Variants in LRRTM4 observed in about 807,000 individuals in gnomAD.
LRRTM4 encodes leucine-rich repeat transmembrane neuronal protein 4.
A neutral mutation model predicts 47.6 loss-of-function variants in LRRTM4; 25 were observed. The observed-to-expected ratio is 0.53, with a 90% CI of 0.38 to 0.73. The LOEUF (loss-of-function observed/expected upper bound fraction) is 0.73, where lower values mean the gene tolerates loss of function less well. Among genes scored for constraint, LRRTM4 ranks in the 30% least tolerant of loss-of-function variants. The pLI, the probability that LRRTM4 is intolerant of heterozygous loss-of-function variation, is 0.00. For synonymous variants in LRRTM4, 311 were observed against 269.5 expected, an observed-to-expected ratio of 1.15 and a Z score of -1.51; for missense variants, 638 against 713.4, an observed-to-expected ratio of 0.89 and a Z score of 1.20.
At chr2:77,443,985 T>C (rs947912390) in intron 3 of LRRTM4, among the ~76,000 whole-genome samples, 1 of 152,120 alleles carries the variant, frequency 6.6e-6, no homozygotes, top group African/African-American at 2.4e-5. Flanking sequence ...AACATACTGA[T>C]CACATCTTAG....
intron 3 of LRRTM4, among the ~76,000 whole-genome samples, chr2:77,360,314 G>A (rs932691698): frequency 6.6e-6 from 1 of 151,914 alleles, no homozygotes; most frequent in African/African-American, 2.4e-5. Context: ...AAAATTAGCC[G>A]TGCGTGGTGG....
intron 3 of LRRTM4, among the ~76,000 whole-genome samples, chr2:76,798,717 GAAGAA>G (rs1174032253): frequency 1.3e-5 from 2 of 150,630 alleles, no homozygotes; most frequent in Non-Finnish European, 3.0e-5. Flanking sequence ...GACTAATAAA[GAAGAA>G]AAGAGAGAAG....
intron 3 of LRRTM4, among the ~76,000 whole-genome samples, chr2:77,240,256 T>G (rs578175968): frequency 1.1e-4 from 16 of 151,830 alleles, no homozygotes; most frequent in African/African-American, 3.6e-4. Flanking sequence ...ACATAATATA[T>G]CAAAATTAGT....
At chr2:77,424,172 G>A (rs1033311289) in intron 3 of LRRTM4, among the ~76,000 whole-genome samples, 1 of 152,102 alleles carries the variant, frequency 6.6e-6, no homozygotes, top group African/African-American at 2.4e-5. Context: ...TTGTGTTATT[G>A]CTCAACCTCT....
At chr2:77,256,505 G>A (rs9973719) in intron 3 of LRRTM4, among the ~76,000 whole-genome samples, 18,693 of 152,048 alleles carry the variant, frequency 0.12, 3,854 homozygotes, top group African/African-American at 0.42. Context: ...ATTGAATCAT[G>A]GGGGTGCATC....
At chr2:77,142,436 C>A (rs868483582) in intron 3 of LRRTM4, among the ~76,000 whole-genome samples, 1 of 71,302 alleles carries the variant, frequency 1.4e-5, no homozygotes, top group Non-Finnish European at 2.6e-5. Flanking sequence ...CACATACACA[C>A]ACACACACAC....
At chr2:77,491,149 G>T (rs1678147082) in intron 3 of LRRTM4, among the ~76,000 whole-genome samples, 1 of 151,940 alleles carries the variant, frequency 6.6e-6, no homozygotes, top group South Asian at 2.1e-4. Flanking sequence ...ATTTTTAAGA[G>T]AACAAATTGA....
At chr2:77,362,170 A>AAGGAAGGAAGGAAGGAAGGAAGG (rs1672263551) in intron 3 of LRRTM4, among the ~76,000 whole-genome samples, 9 of 133,538 alleles carry the variant, frequency 6.7e-5, no homozygotes, top group African/African-American at 3.0e-4. Flanking sequence ...AGAAAGAAAG[A>AAGGAAGGAAGGAAGGAAGGAAGG]AAGGAAGGAA....
intron 3 of LRRTM4, among the ~76,000 whole-genome samples, chr2:76,783,459 G>C (rs1269477325): frequency 6.6e-6 from 1 of 151,894 alleles, no homozygotes; most frequent in Admixed American, 6.6e-5. Flanking sequence ...CATTTACATT[G>C]TTGTGCCACA....
At chr2:76,816,188 G>A (rs1039530650) in intron 3 of LRRTM4, among the ~76,000 whole-genome samples, 1 of 152,042 alleles carries the variant, frequency 6.6e-6, no homozygotes, top group Non-Finnish European at 1.5e-5. Context: ...GTATGCAAAG[G>A]GGTTAAAGGA....
intron 3 of LRRTM4, among the ~76,000 whole-genome samples, chr2:77,251,024 A>G (rs1412521629): frequency 2.0e-5 from 3 of 151,658 alleles, no homozygotes; most frequent in African/African-American, 7.3e-5. Context: ...AATCCCTTGA[A>G]CCTGGGAGGT....
At chr2:77,161,017 G>A (rs1206598348) in intron 3 of LRRTM4, among the ~76,000 whole-genome samples, 1 of 152,116 alleles carries the variant, frequency 6.6e-6, no homozygotes, top group Non-Finnish European at 1.5e-5. Flanking sequence ...ATGATCCTTA[G>A]ATCATGCAGA....
intron 3 of LRRTM4, among the ~76,000 whole-genome samples, chr2:76,889,827 A>C (rs2104149860): frequency 6.6e-6 from 1 of 151,976 alleles, no homozygotes; most frequent in South Asian, 2.1e-4. Flanking sequence ...AGAAAGAAGA[A>C]AGAGAGAGAA....
chr2:77,330,933 C>A (rs1456831414), intron 3 of LRRTM4, among the ~76,000 whole-genome samples: 1 of 152,156 alleles, frequency 6.6e-6, no homozygotes, highest in African/African-American at 2.4e-5. Context: ...CAAAAGGGCA[C>A]TTTTATCCAT....
At chr2:77,256,007 T>C (rs1675754964) in intron 3 of LRRTM4, among the ~76,000 whole-genome samples, 1 of 151,976 alleles carries the variant, frequency 6.6e-6, no homozygotes, top group Non-Finnish European at 1.5e-5. Flanking sequence ...ACTGATAAAA[T>C]TGATAAACCT....
At chr2:77,115,670 T>C (rs750871181) in intron 3 of LRRTM4, among the ~76,000 whole-genome samples, 3 of 152,152 alleles carry the variant, frequency 2.0e-5, no homozygotes, top group African/African-American at 4.8e-5. Flanking sequence ...TTTAGACTCA[T>C]TGGAAAATTT....
chr2:77,519,045 C>T lies in LRRTM4; in HGVS notation c.824G>A (p.Cys275Tyr), dbSNP rs933477642. ...IQGIEPGTFK[C>Y]LPNLQKLNLD... The stretch of plus-strand genomic sequence containing the variant: ...ATTCAATTTTTGTAAATTGGGGAGG[C>T]ATTTAAATGTGCCCGGCTCAATTCC... The change falls in exon 3 of 4, where the codon TGC becomes TAC. Residue 275 changes from cysteine to tyrosine, a missense_variant. By Grantham distance (194) the Cys-to-Tyr change is radical. Coordinates refer to ENST00000409884, the MANE Select transcript of LRRTM4 (RefSeq NM_001134745.3). This position sits in a 1 kb window ranked among gnomAD's most constrained non-coding sequence, Gnocchi z 4.6. 6.2e-7 allele frequency: 1 copy of T among 1,612,282 alleles called. No homozygotes were observed. Among genetic ancestry groups the T allele is most frequent in the African/African-American group, 1.3e-5 (1 of 74,968 alleles).
At chr2:77,459,759 CA>C (rs59472827) in intron 3 of LRRTM4, among the ~76,000 whole-genome samples, 52,761 of 125,968 alleles carry the variant, frequency 0.42, 9,022 homozygotes, top group African/African-American at 0.46. Flanking sequence ...CTGGTTTTAG[CA>C]AAAAAAAAAA....
chr2:76,968,149 G>T (rs989131789), intron 3 of LRRTM4, among the ~76,000 whole-genome samples: 2 of 150,158 alleles, frequency 1.3e-5, no homozygotes, highest in Admixed American at 1.3e-4. Flanking sequence ...CTTATGCAAA[G>T]CCTACACAGG....
Sources: gnomAD v4.1 joint callset for allele counts (sites outside exome capture counted in the v4.1 genomes callset) on GRCh38, gnomAD v4.1.1 for gene constraint, Gnocchi (gnomAD v3.1) non-coding constraint, MANE v1.5 for transcripts, NCBI Gene and HGNC (gene_info 2026-07-23, HGNC 2026-07-21) for gene names.